ADGRL3: variants seen among roughly 807,000 people sequenced by gnomAD.
ADGRL3 encodes the protein adhesion G protein-coupled receptor L3.
Under a neutral mutation model 153.5 loss-of-function variants are expected in ADGRL3, and 62 were observed. The observed-to-expected ratio is 0.40, with a 90% CI of 0.33 to 0.50. ADGRL3 has a LOEUF of 0.50. Among genes scored for constraint, ADGRL3 ranks in the 20% least tolerant of loss-of-function variants. The probability of loss-of-function intolerance (pLI) is 0.47; values close to 1 mark genes in which losing one functional copy is unlikely to be tolerated. For missense variants in ADGRL3, 1,641 were observed against 1,859.4 expected, an observed-to-expected ratio of 0.88 and a Z score of 2.16; for synonymous variants, 710 against 672.5, an observed-to-expected ratio of 1.06 and a Z score of -0.86.
intron 2 of ADGRL3, among the ~76,000 whole-genome samples, chr4:61,457,352 A>G (rs1030768828): frequency 6.6e-6 from 1 of 151,980 alleles, no homozygotes; most frequent in Non-Finnish European, 1.5e-5. Flanking sequence ...AGTTAATGCA[A>G]TGTTATTTTA....
intron 21 of ADGRL3, 76 bp from the exon 22 acceptor site, chr4:62,028,779 A>C: frequency 8.0e-7 from 1 of 1,249,314 alleles, no homozygotes; most frequent in Non-Finnish European, 1.1e-6. Context: ...GACCAGGAGA[A>C]TATTTTTCAT....
At chr4:61,628,969 C>T (rs1223950220) in intron 5 of ADGRL3, among the ~76,000 whole-genome samples, 1 of 152,194 alleles carries the variant, frequency 6.6e-6, no homozygotes, top group East Asian at 1.9e-4. Context: ...TACAGCTTCA[C>T]TTGCATGACA....
At position 62,028,872 on chromosome 4, in the gene ADGRL3, C is replaced by T; in HGVS notation, c.3413C>T (p.Pro1138Leu). 1 of 1,605,138 alleles carries T rather than the reference C, an allele frequency of 6.2e-7. No individual in the cohort carries two copies. The highest frequency in any genetic ancestry group is 8.5e-7 in the Non-Finnish European group (1 of 1,175,150). Residue 1138 changes from proline (P) to leucine (L), a missense_variant, in exon 22 of 27, where the codon CCC becomes CTC. Physicochemically the swap from Pro to Leu is moderately conservative, Grantham distance 98. This residue lies in a region of ADGRL3 where 517 missense variants were observed against 555.0 expected (regional missense o/e 0.93). Coordinates refer to ENST00000683033, the MANE Select transcript of ADGRL3 (RefSeq NM_001387552.1). Reference sequence around the variant, plus strand: ...TTCTTTAGCTATGAGGATAACAGACCCTTCATCAAGTAAGAATGACCTGAA... The same window carrying T: ...TTCTTTAGCTATGAGGATAACAGACTCTTCATCAAGTAAGAATGACCTGAA... ...LDNINYEDNR[P>L]FIKSWVIGAI...
chr4:61,408,375 C>T (rs2097031402), intron 2 of ADGRL3, among the ~76,000 whole-genome samples: 1 of 151,548 alleles, frequency 6.6e-6, no homozygotes, highest in African/African-American at 2.4e-5. Flanking sequence ...TGACCCTGCA[C>T]CTGGGTATTT....
chr4:61,664,317 C>T (rs1212525291), intron 5 of ADGRL3, among the ~76,000 whole-genome samples: 2 of 151,996 alleles, frequency 1.3e-5, no homozygotes, highest in Non-Finnish European at 2.9e-5. Context: ...TTCAGATAGT[C>T]CTGAAAGAAT....
At chr4:61,646,257 G>C (rs957724982) in intron 5 of ADGRL3, among the ~76,000 whole-genome samples, 2 of 152,048 alleles carry the variant, frequency 1.3e-5, no homozygotes, top group Non-Finnish European at 2.9e-5. Context: ...GGAGTAATTT[G>C]ATCGTCTGAA....
chr4:61,358,468 G>A lies in ADGRL3; in HGVS notation c.-239-24656G>A, dbSNP rs1257368410. Among the ~76,000 whole-genome samples, 5 of 151,910 alleles carry A rather than the reference G, an allele frequency of 3.3e-5. 1 individual carries two copies. In the South Asian group the frequency reaches 6.2e-4, roughly 19 times the overall value. On this transcript the variant is annotated intron_variant, in intron 1 of 26. Coordinates refer to ENST00000683033, the MANE Select transcript of ADGRL3 (RefSeq NM_001387552.1). The stretch of plus-strand genomic sequence containing the variant: ...AAAAATTAGCCGGGCGTGGTGGCGG[G>A]CGCCTGTAGTCCCAGCTACTAGGGA...
Position 61,840,911 on chromosome 4 carries a change from T to A in ADGRL3, c.1480+27022T>A, listed in dbSNP as rs551831121. On this transcript the variant is annotated intron_variant, in intron 9 of 26. Transcript: ENST00000683033. ...TGGTTTTGGCTTAGATTTTATCTTT[T>A]AGAATTGCTTTCTTCCTTCCCCACC... Among the ~76,000 whole-genome samples the A allele has an allele frequency of 2.6e-5, 4 of 152,336 alleles. No homozygotes were observed. The East Asian group carries it at 5.8e-4, about 22-fold the overall frequency.
intron 2 of ADGRL3, among the ~76,000 whole-genome samples, chr4:61,493,454 A>G (rs1205246297): frequency 1.3e-5 from 2 of 152,348 alleles, no homozygotes; most frequent in East Asian, 3.9e-4. Flanking sequence ...TATTCTTTCT[A>G]TAAAATAACT....
At chr4:61,206,949 C>CTCCA (rs1316332902) in intron 1 of ADGRL3, among the ~76,000 whole-genome samples, 1 of 151,674 alleles carries the variant, frequency 6.6e-6, no homozygotes, top group Non-Finnish European at 1.5e-5. Flanking sequence ...TGTCACTGCA[C>CTCCA]TCCAGCCTGG....
intron 4 of ADGRL3, among the ~76,000 whole-genome samples, chr4:61,569,788 T>C (rs949793689): frequency 5.3e-5 from 8 of 152,300 alleles, no homozygotes; most frequent in African/African-American, 1.9e-4. Flanking sequence ...AATTTTTCTG[T>C]TGAGGTGAAA....
chr4:62,017,869 T>G (rs532799858), intron 21 of ADGRL3, among the ~76,000 whole-genome samples: 2 of 152,156 alleles, frequency 1.3e-5, no homozygotes, highest in South Asian at 4.2e-4. Flanking sequence ...AAAGTAGAGC[T>G]TTGTTTTTTT....
chr4:61,892,390 T>C (rs1474887589), intron 9 of ADGRL3, among the ~76,000 whole-genome samples: 1 of 152,112 alleles, frequency 6.6e-6, no homozygotes, highest in East Asian at 1.9e-4. Flanking sequence ...TGCTGTAATT[T>C]TGTTTCTGGG....
intron 1 of ADGRL3, among the ~76,000 whole-genome samples, chr4:61,239,103 T>G (rs1459035602): frequency 6.6e-6 from 1 of 152,140 alleles, no homozygotes; most frequent in Non-Finnish European, 1.5e-5. Flanking sequence ...TGGTTGTCCT[T>G]ACTAAAACTA....
At chr4:62,015,957 A>G (rs2099209263) in intron 21 of ADGRL3, among the ~76,000 whole-genome samples, 2 of 151,958 alleles carry the variant, frequency 1.3e-5, no homozygotes, top group East Asian at 3.8e-4. Context: ...ATACGCTTTC[A>G]AAGTCTTTTA....
intron 15 of ADGRL3, among the ~76,000 whole-genome samples, chr4:61,938,852 CCCT>C (rs556966383): frequency 7.1e-6 from 1 of 141,132 alleles, no homozygotes; most frequent in Non-Finnish European, 1.5e-5. Flanking sequence ...TGTTAAATAA[CCCT>C]CCTCCTCAAA....
rs997366835 is a variant in ADGRL3 at position 61,535,344 on chromosome 4, T to C, written c.259+17826T>C. Among the ~76,000 whole-genome samples, 9 of 152,078 alleles carry C rather than the reference T, an allele frequency of 5.9e-5. No homozygotes were observed. The South Asian group carries it at 1.7e-3, about 28-fold the overall frequency. ...TAGGGTGTTGGATTTGGTTTGCTAG[T>C]ATTTTGTTGAGGATTTTTGCATCTG... On this transcript the variant is annotated intron_variant, in intron 4 of 26. Transcript: ENST00000683033.
intron 1 of ADGRL3, among the ~76,000 whole-genome samples, chr4:61,340,028 A>ACACTGT: frequency 6.6e-6 from 1 of 152,186 alleles, no homozygotes; most frequent in Non-Finnish European, 1.5e-5. Context: ...GCGGCTGTGT[A>ACACTGT]AAGAGTGTGA....
intron 5 of ADGRL3, among the ~76,000 whole-genome samples, chr4:61,610,626 T>A (rs796346981): frequency 6.6e-6 from 1 of 152,180 alleles, no homozygotes; most frequent in South Asian, 2.1e-4. Flanking sequence ...GACGGTCAAG[T>A]GGCTAGAGAA....
Sources: allele counts gnomAD v4.1 joint callset (sites outside exome capture counted in the v4.1 genomes callset), GRCh38; gene constraint gnomAD v4.1.1; regional missense constraint gnomAD v4.1.1; transcripts MANE v1.5; gene names NCBI Gene and HGNC (gene_info 2026-07-23, HGNC 2026-07-21).